GTF2E2: variants seen among roughly 807,000 people sequenced by gnomAD.
GTF2E2 encodes transcription initiation factor IIE subunit beta.
Under a neutral mutation model 40.5 loss-of-function variants are expected in GTF2E2, and 21 were observed. The observed-to-expected ratio is 0.52, with a 90% confidence interval of 0.37 to 0.75. GTF2E2 has a LOEUF of 0.75. Among genes scored for constraint, GTF2E2 ranks in the 30% least tolerant of loss-of-function variants. The probability of loss-of-function intolerance (pLI) is 0.00; values close to 1 mark genes in which losing one functional copy is unlikely to be tolerated. For missense variants in GTF2E2, 298 were observed against 338.4 expected, an observed-to-expected ratio of 0.88 and a Z score of 0.94; for synonymous variants, 117 against 121.6, an observed-to-expected ratio of 0.96 and a Z score of 0.25.
At chr8:30,612,705 C>T (rs560182983) in intron 4 of GTF2E2, among the ~76,000 whole-genome samples, 1 of 152,182 alleles carries the variant, frequency 6.6e-6, no homozygotes, top group African/African-American at 2.4e-5. Context: ...CACCACCACA[C>T]CCAGCGAATT....
Position 30,591,473 on chromosome 8 carries a change from G to T in GTF2E2, c.644-11077C>A, listed in dbSNP as rs139480714. Among the ~76,000 whole-genome samples, 42 of 152,116 alleles carry T rather than the reference G, an allele frequency of 2.8e-4. No individual in the cohort carries two copies. In the East Asian group the frequency reaches 6.4e-3, roughly 23 times the overall value. ...CACTCAAGCCCAGGAAACAGAGTGA[G>T]ACCCTGTTTCTACAGTAAAAAAATA... is the stretch of plus-strand genomic sequence containing the variant. On this transcript the variant is annotated intron_variant, in intron 6 of 7. Coordinates refer to ENST00000355904, the MANE Select transcript of GTF2E2 (RefSeq NM_002095.6).
At chr8:30,637,678 C>T (rs761081525) in intron 2 of GTF2E2, among the ~76,000 whole-genome samples, 2 of 152,132 alleles carry the variant, frequency 1.3e-5, no homozygotes, top group African/African-American at 4.8e-5. Flanking sequence ...AGACTGCCAC[C>T]GTGCCTGGCT....
At chr8:30,634,990 A>G (rs1801543951) in intron 3 of GTF2E2, 42 bp downstream of exon 3, 1 of 1,121,288 alleles carries the variant, frequency 8.9e-7, no homozygotes, top group South Asian at 1.3e-5. Context: ...TCTTTTGCCA[A>G]AAAGTTAAAT....
In GTF2E2 at chr8:30,593,660, C is replaced by A. The variant is rs549769472; in HGVS notation, c.644-13264G>T. Among the ~76,000 whole-genome samples, 199 of 152,232 alleles carry A rather than the reference C, an allele frequency of 1.3e-3. 2 individuals are homozygous for A. Among genetic ancestry groups the A allele is most frequent in the South Asian group, 0.012 (58 of 4,824 alleles). ...TACAGGTGCACACCACCACACCAGG[C>A]TGAGTTTTTATTTTTTGTAGAGACG... is the stretch of plus-strand genomic sequence containing the variant. On this transcript the variant is annotated intron_variant, in intron 6 of 7. Transcript: ENST00000355904.
chr8:30,616,145 AG>A (rs1171551454), intron 3 of GTF2E2, among the ~76,000 whole-genome samples: 2 of 152,332 alleles, frequency 1.3e-5, no homozygotes, highest in East Asian at 3.9e-4. Context: ...GACAATAAAA[AG>A]TTTAGTGGCT....
intron 2 of GTF2E2, chr8:30,638,570 T>G (rs919317417): frequency 2.0e-5 from 3 of 152,754 alleles, no homozygotes; most frequent in Middle Eastern, 6.8e-3. Context: ...CAGCTCCATC[T>G]TGGCTGTGCA....
At chr8:30,580,171 T>A in intron 7 of GTF2E2, 110 bp downstream of exon 7, 1 of 700,442 alleles carries the variant, frequency 1.4e-6, no homozygotes, top group East Asian at 2.6e-5. Context: ...CTGCGGACAC[T>A]GAGAAACAAT....
At chr8:30,628,079 A>G (rs1259285196) in intron 3 of GTF2E2, among the ~76,000 whole-genome samples, 1 of 152,238 alleles carries the variant, frequency 6.6e-6, no homozygotes, top group African/African-American at 2.4e-5. Flanking sequence ...GCAACTCTGA[A>G]GCATTCTCGA....
intron 5 of GTF2E2, among the ~76,000 whole-genome samples, chr8:30,609,267 A>G (rs1162110079): frequency 5.1e-3 from 227 of 44,422 alleles, no homozygotes; most frequent in Middle Eastern, 0.017. Context: ...CTCCGCCTCA[A>G]AAAAAAAAAA....
chr8:30,604,566 TG>T (rs1168422691), intron 6 of GTF2E2, among the ~76,000 whole-genome samples: 1 of 152,248 alleles, frequency 6.6e-6, no homozygotes, highest in Non-Finnish European at 1.5e-5. Context: ...ATGGAATATT[TG>T]TAATGCTGAG....
chr8:30,645,235 A>T (rs1802023439), intron 2 of GTF2E2: 1 of 1,379,926 alleles, frequency 7.2e-7, no homozygotes, highest in African/African-American at 1.5e-5. Flanking sequence ...TTGAATTAAC[A>T]GATCTGTAGT....
In GTF2E2 at chr8:30,658,167, C is replaced by A; in HGVS notation, c.-199G>T. ...GTGGCGGCGGCGGCGGCGGCAGCGG[C>A]GGTAGCTGAGGCGGCGACTGGACCC... On this transcript the variant is annotated 5_prime_UTR_variant, in exon 1 of 8. Coordinates refer to ENST00000355904, the MANE Select transcript of GTF2E2 (RefSeq NM_002095.6). The A allele has an allele frequency of 5.1e-6, 1 of 194,594 alleles. No individual in the cohort carries two copies. Among genetic ancestry groups the A allele is most frequent in the Non-Finnish European group, 1.0e-5 (1 of 96,072 alleles). 12.1% of individuals were successfully genotyped at this position (194,594 alleles called of 1,614,324 possible). A position where few individuals can be genotyped will look rare whatever the true frequency, so the allele number is the denominator to read the frequency against.
chr8:30,613,337 G>A (rs1403438732), intron 4 of GTF2E2, among the ~76,000 whole-genome samples: 1 of 152,198 alleles, frequency 6.6e-6, no homozygotes, highest in Non-Finnish European at 1.5e-5. Context: ...TATAATGTCA[G>A]CTTGAGAATG....
chr8:30,579,988 G>A (rs1402843688), intron 7 of GTF2E2, among the ~76,000 whole-genome samples: 1 of 152,242 alleles, frequency 6.6e-6, no homozygotes, highest in East Asian at 1.9e-4. Flanking sequence ...AGAAGGGCTT[G>A]TAGCAGCTTA....
chr8:30,609,249 GAA>G (rs1189149599), intron 5 of GTF2E2, among the ~76,000 whole-genome samples: 2 of 128,502 alleles, frequency 1.6e-5, no homozygotes, highest in African/African-American at 6.0e-5. Context: ...CAGGGCAACA[GAA>G]AGAGACTCCG....
At chr8:30,602,089 C>T (rs1829196477) in intron 6 of GTF2E2, among the ~76,000 whole-genome samples, 2 of 151,050 alleles carry the variant, frequency 1.3e-5, no homozygotes, top group African/African-American at 4.9e-5. Context: ...ACAATCTAGG[C>T]TCACTACAAC....
At chr8:30,624,419 G>A (rs1202435429) in intron 3 of GTF2E2, among the ~76,000 whole-genome samples, 1 of 152,070 alleles carries the variant, frequency 6.6e-6, no homozygotes. Flanking sequence ...CTGTAGCCTT[G>A]TAGTATAGTT....
At position 30,612,293 on chromosome 8, in the gene GTF2E2, G is replaced by T. The variant is rs759244825; in HGVS notation, c.549+6C>A. On this transcript the variant is annotated splice_donor_region_variant and intron_variant, in intron 5 of 7. Transcript: ENST00000355904. Reference sequence around the variant, plus strand: ...TATTAAGACATAGAAAGAAAAGAGAGATTACCTTGACAGCTTTCTGGGAAT... The same window carrying T: ...TATTAAGACATAGAAAGAAAAGAGATATTACCTTGACAGCTTTCTGGGAAT... 3.8e-6 allele frequency: 6 copies of T among 1,558,760 alleles called. No homozygotes were observed. Among genetic ancestry groups the T allele is most frequent in the Non-Finnish European group, 5.3e-6 (6 of 1,132,636 alleles).
chr8:30,588,710 A>C (rs1287356240), intron 6 of GTF2E2, among the ~76,000 whole-genome samples: 1 of 152,192 alleles, frequency 6.6e-6, no homozygotes, highest in Non-Finnish European at 1.5e-5. Flanking sequence ...TCAAGGTGGA[A>C]GCAGAGGTCA....
Sources: allele counts gnomAD v4.1 joint callset (sites outside exome capture counted in the v4.1 genomes callset), GRCh38; gene constraint gnomAD v4.1.1; transcripts MANE v1.5; gene names NCBI Gene and HGNC (gene_info 2026-07-23, HGNC 2026-07-21).